Variants in UNC13B observed in about 807,000 individuals in gnomAD.
UNC13B encodes the protein unc-13 homolog B.
A neutral mutation model predicts 211.0 loss-of-function variants in UNC13B; 144 were observed. The observed-to-expected ratio is 0.68, with a 90% CI of 0.60 to 0.78. The LOEUF is 0.78. Ranked by LOEUF, UNC13B falls within the 30% of genes least tolerant of loss-of-function variation. The pLI, the probability that UNC13B is intolerant of heterozygous loss-of-function variation, is 0.00. For missense variants in UNC13B, 1,777 were observed against 2,002.0 expected (o/e 0.89, Z 2.14); for synonymous variants, 709 against 725.8 (o/e 0.98, Z 0.37).
chr9:35,381,581 T>C lies in UNC13B; in HGVS notation c.10517T>C (p.Ile3506Thr), dbSNP rs978528194. The C allele has an allele frequency of 6.2e-7, 1 of 1,613,998 alleles. No homozygotes were observed. Among genetic ancestry groups the C allele is most frequent in the Non-Finnish European group, 8.5e-7 (1 of 1,179,972 alleles). The change falls in exon 20 of 40, where the codon ATT becomes ACT. Residue 3506 changes from isoleucine (I) to threonine (T), a missense_variant. Coordinates refer to ENST00000635942, the MANE Select transcript of UNC13B (RefSeq NM_001371189.2). ...HENLFHYLTDIQGSGGVRIPE... is the reference protein window; with the variant it reads ...HENLFHYLTDTQGSGGVRIPE... The stretch of plus-strand genomic sequence containing the variant: ...AATCTTTTCCATTACCTCACAGACA[T>C]TCAGGGCAGTGGAGGAGTCCGCATC...
chr9:35,315,059 T>A, intron 11 of UNC13B, among the ~76,000 whole-genome samples: 1 of 149,004 alleles, frequency 6.7e-6, no homozygotes. Flanking sequence ...AAAAAATTTT[T>A]TTTTTTTTTT....
At chr9:35,326,641 G>C (rs947280617) in intron 11 of UNC13B, among the ~76,000 whole-genome samples, 1 of 152,128 alleles carries the variant, frequency 6.6e-6, no homozygotes, top group Non-Finnish European at 1.5e-5. Flanking sequence ...CTTATGCCTT[G>C]GTCTCCCGAG....
intron 26 of UNC13B, among the ~76,000 whole-genome samples, chr9:35,393,885 A>G (rs1200524853): frequency 6.6e-6 from 1 of 152,048 alleles, no homozygotes; most frequent in Admixed American, 6.5e-5. Context: ...TTTGGACTCT[A>G]TCTTGAGGTA....
chr9:35,193,523 C>T (rs916027907), intron 1 of UNC13B, among the ~76,000 whole-genome samples: 1 of 151,698 alleles, frequency 6.6e-6, no homozygotes, highest in Admixed American at 6.6e-5. Context: ...GGCATGTAAT[C>T]CACCTGTGCC....
intron 11 of UNC13B, among the ~76,000 whole-genome samples, chr9:35,336,288 C>T (rs537137573): frequency 6.6e-6 from 1 of 152,020 alleles, no homozygotes; most frequent in South Asian, 2.1e-4. Flanking sequence ...TCCACTTCCT[C>T]TTCTATATAT....
chr9:35,243,139 A>AAAGAG, intron 5 of UNC13B, 152 bp from the exon 6 acceptor site: 1 of 675,178 alleles, frequency 1.5e-6, no homozygotes, highest in Non-Finnish European at 2.6e-6. Flanking sequence ...AGTAAAGATA[A>AAAGAG]TGTTCATGAC....
chr9:35,169,955 C>G (rs1204157753), intron 1 of UNC13B, among the ~76,000 whole-genome samples: 1 of 152,048 alleles, frequency 6.6e-6, no homozygotes, highest in Non-Finnish European at 1.5e-5. Flanking sequence ...ATGTTTATGA[C>G]ACAAATCTGT....
chr9:35,209,191 A>ATTACAGCCT (rs1202932054), intron 1 of UNC13B, among the ~76,000 whole-genome samples: 1 of 152,000 alleles, frequency 6.6e-6, no homozygotes, highest in East Asian at 1.9e-4. Flanking sequence ...CAGCCTCCTG[A>ATTACAGCCT]GTAGCTGGGA....
intron 26 of UNC13B, among the ~76,000 whole-genome samples, chr9:35,394,077 G>A (rs981446974): frequency 1.3e-5 from 2 of 152,112 alleles, no homozygotes; most frequent in African/African-American, 4.8e-5. Context: ...GTAATAGCGT[G>A]GCTAGAAGGA....
intron 11 of UNC13B, among the ~76,000 whole-genome samples, chr9:35,363,197 C>T (rs921373288): frequency 1.6e-4 from 24 of 152,162 alleles, no homozygotes; most frequent in African/African-American, 5.1e-4. Flanking sequence ...AGAGCCGTGA[C>T]GGCTCTGTCA....
At chr9:35,184,234 C>G (rs1371029703) in intron 1 of UNC13B, among the ~76,000 whole-genome samples, 1 of 151,084 alleles carries the variant, frequency 6.6e-6, no homozygotes, top group Non-Finnish European at 1.5e-5. Context: ...GACGGGGCGG[C>G]TGGGCAGAGG....
chr9:35,268,309 C>G (rs1827687933), intron 7 of UNC13B, among the ~76,000 whole-genome samples: 1 of 152,172 alleles, frequency 6.6e-6, no homozygotes, highest in Non-Finnish European at 1.5e-5. Context: ...TGACAAGGAT[C>G]TAGTTAAATT....
At chr9:35,353,760 A>G in intron 11 of UNC13B, 8 of 1,232,114 alleles carry the variant, frequency 6.5e-6, no homozygotes, top group Non-Finnish European at 8.1e-6. Context: ...AAACTTCTGC[A>G]TGAGCTAGTA....
chr9:35,299,112 G>T (rs1462990360), intron 8 of UNC13B, among the ~76,000 whole-genome samples: 1 of 152,036 alleles, frequency 6.6e-6, no homozygotes, highest in Non-Finnish European at 1.5e-5. Flanking sequence ...GGTGCCTGTA[G>T]ACCCAGCTAC....
chr9:35,379,065 A>G (rs1369820974), intron 17 of UNC13B, among the ~76,000 whole-genome samples: 2 of 152,198 alleles, frequency 1.3e-5, no homozygotes, highest in Non-Finnish European at 2.9e-5. Flanking sequence ...TCGCTCCCTA[A>G]TAAGGCCTAG....
intron 3 of UNC13B, among the ~76,000 whole-genome samples, chr9:35,235,997 C>T (rs1825484137): frequency 6.6e-6 from 1 of 151,056 alleles, no homozygotes; most frequent in Non-Finnish European, 1.5e-5. Context: ...CCCCCCCTCC[C>T]CACTGAGGTT....
chr9:35,378,325 A>T lies in UNC13B; in HGVS notation c.10094A>T (p.Asp3365Val), dbSNP rs1365199716. 2.5e-6 allele frequency: 4 copies of T among 1,614,066 alleles called. No homozygotes were observed. The Admixed American group carries it at 5.0e-5, about 20-fold the overall frequency. Reference sequence around the variant, plus strand: ...TGTGCCCAGGGCCTACAAGCCAAGGACAAAACAGGATCCAGTGACCCTTAC... The same window carrying T: ...TGTGCCCAGGGCCTACAAGCCAAGGTCAAAACAGGATCCAGTGACCCTTAC... Reference protein sequence around the residue: ...VVCAQGLQAKDKTGSSDPYVT... With the variant: ...VVCAQGLQAKVKTGSSDPYVT... The change falls in exon 17 of 40, where the codon GAC (aspartate) becomes GTC (valine). Residue 3365 changes from aspartate (D) to valine (V), a missense_variant. Transcript: ENST00000635942.
At chr9:35,219,140 A>G (rs1824429725) in intron 1 of UNC13B, among the ~76,000 whole-genome samples, 1 of 152,224 alleles carries the variant, frequency 6.6e-6, no homozygotes, top group Non-Finnish European at 1.5e-5. Flanking sequence ...GTTAAATTTA[A>G]AAAATTCTAT....
chr9:35,187,130 T>A (rs2131328173), intron 1 of UNC13B, among the ~76,000 whole-genome samples: 1 of 152,336 alleles, frequency 6.6e-6, no homozygotes, highest in East Asian at 1.9e-4. Flanking sequence ...AAAGTGAGTA[T>A]AGCAATTCCT....
Sources: allele counts gnomAD v4.1 joint callset (sites outside exome capture counted in the v4.1 genomes callset), GRCh38; gene constraint gnomAD v4.1.1; transcripts MANE v1.5; gene names NCBI Gene and HGNC (gene_info 2026-07-23, HGNC 2026-07-21).